WWOX: variants seen among roughly 807,000 people sequenced by gnomAD.
The protein encoded by WWOX is WW domain containing oxidoreductase.
Under a neutral mutation model 46.2 loss-of-function variants are expected in WWOX, and 69 were observed. That is an observed-to-expected ratio of 1.49 (90% CI 1.23 to 1.82). The LOEUF (loss-of-function observed/expected upper bound fraction) is 1.82. WWOX is among the 40% of genes most tolerant of loss of function. The pLI, the probability that WWOX is intolerant of heterozygous loss-of-function variation, is 0.00. For missense variants in WWOX, 919 were observed against 542.6 expected (o/e 1.69, Z -6.89); for synonymous variants, 359 against 202.6 (o/e 1.77, Z -6.56).
chr16:78,181,834 G>A (rs986722493), intron 5 of WWOX, among the ~76,000 whole-genome samples: 2 of 152,092 alleles, frequency 1.3e-5, no homozygotes, highest in Non-Finnish European at 2.9e-5. Flanking sequence ...TTTTTTTAGA[G>A]ATAGTATATA....
intron 5 of WWOX, among the ~76,000 whole-genome samples, chr16:78,320,782 G>A (rs2080450753): frequency 6.6e-6 from 1 of 152,156 alleles, no homozygotes; most frequent in South Asian, 2.1e-4. Flanking sequence ...CCTAACAGAA[G>A]AGAGAAGTAA....
chr16:78,651,928 G>A (rs1262112127), intron 8 of WWOX, among the ~76,000 whole-genome samples: 1 of 152,088 alleles, frequency 6.6e-6, no homozygotes, highest in Non-Finnish European at 1.5e-5. Context: ...TAAGTAAAAT[G>A]CAATGGCAGG....
At chr16:78,712,523 T>C (rs946816931) in intron 8 of WWOX, among the ~76,000 whole-genome samples, 25 of 151,862 alleles carry the variant, frequency 1.6e-4, no homozygotes, top group Admixed American at 3.3e-4. Flanking sequence ...AAGTCTTATA[T>C]TGATTAAAAG....
chr16:78,568,163 C>A (rs546398197), intron 8 of WWOX, among the ~76,000 whole-genome samples: 1 of 152,122 alleles, frequency 6.6e-6, no homozygotes, highest in Non-Finnish European at 1.5e-5. Context: ...AAATATGCCA[C>A]TTTCACCAAA....
intron 8 of WWOX, among the ~76,000 whole-genome samples, chr16:78,716,180 A>G (rs1276742556): frequency 6.6e-6 from 1 of 152,116 alleles, no homozygotes; most frequent in Non-Finnish European, 1.5e-5. Flanking sequence ...GATAGAGGGA[A>G]GATGATGTGA....
At chr16:78,316,020 C>T (rs753809144) in intron 5 of WWOX, among the ~76,000 whole-genome samples, 2 of 151,842 alleles carry the variant, frequency 1.3e-5, no homozygotes, top group Admixed American at 1.3e-4. Flanking sequence ...CTGAGGTGGG[C>T]GGATCACTTG....
chr16:78,731,494 T>A (rs1020679371), intron 8 of WWOX, among the ~76,000 whole-genome samples: 1 of 152,198 alleles, frequency 6.6e-6, no homozygotes, highest in African/African-American at 2.4e-5. Flanking sequence ...CCTCTGTTCT[T>A]TCTTGTTTCC....
chr16:78,503,448 T>TA lies in WWOX; in HGVS notation c.1056+70708dup, dbSNP rs11333636. On this transcript the variant is annotated intron_variant, in intron 8 of 8. Transcript: ENST00000566780. ...GGAATTTAAATATAATTCCTTATTG[T>TA]AAAAAAAAAAAATTTTTTTTTGATC... Among the ~76,000 whole-genome samples the TA allele has an allele frequency of 5.5e-3, 818 of 149,256 alleles. 6 individuals are homozygous for TA. The highest frequency in any genetic ancestry group is 8.0e-3 in the Non-Finnish European group (537 of 67,044).
intron 8 of WWOX, among the ~76,000 whole-genome samples, chr16:78,695,696 A>G (rs892432296): frequency 6.6e-5 from 10 of 152,246 alleles, no homozygotes; most frequent in African/African-American, 1.9e-4. Flanking sequence ...GAATGGATCA[A>G]AGGAATGAAG....
At chr16:79,104,588 G>C (rs1489105385) in intron 8 of WWOX, among the ~76,000 whole-genome samples, 1 of 152,094 alleles carries the variant, frequency 6.6e-6, no homozygotes, top group African/African-American at 2.4e-5. Flanking sequence ...AAATACGCAC[G>C]AATATTAAGT....
chr16:78,687,400 T>G lies in WWOX; in HGVS notation c.1056+254648T>G, dbSNP rs184007772. Reference sequence around the variant, plus strand: ...CCTTCATTTTCAGTGTGGCCTGAGATTGTTGAAGGATTTGTTCTATTGCAT... The same window carrying G: ...CCTTCATTTTCAGTGTGGCCTGAGAGTGTTGAAGGATTTGTTCTATTGCAT... On this transcript the variant is annotated intron_variant, in intron 8 of 8. Transcript: ENST00000566780. 1.4e-3 allele frequency among the ~76,000 whole-genome samples: 208 copies of G among 152,276 alleles called. 1 individual carries two copies. Among genetic ancestry groups the G allele is most frequent in the African/African-American group, 4.8e-3 (198 of 41,574 alleles).
intron 8 of WWOX, among the ~76,000 whole-genome samples, chr16:78,523,986 A>G (rs2043403722): frequency 6.6e-6 from 1 of 152,222 alleles, no homozygotes; most frequent in Non-Finnish European, 1.5e-5. Context: ...GCTACTATAC[A>G]AATACACAAT....
chr16:78,884,333 C>G (rs758102173), intron 8 of WWOX, among the ~76,000 whole-genome samples: 1 of 149,576 alleles, frequency 6.7e-6, no homozygotes, highest in Non-Finnish European at 1.5e-5. Flanking sequence ...TCAAAATGTG[C>G]TCATACATTT....
intron 8 of WWOX, among the ~76,000 whole-genome samples, chr16:78,616,737 G>T (rs550915081): frequency 1.3e-5 from 2 of 152,124 alleles, no homozygotes; most frequent in East Asian, 3.9e-4. Flanking sequence ...CTGCACTCCT[G>T]TCTGGGAGAC....
At chr16:78,848,378 T>G (rs1183495155) in intron 8 of WWOX, among the ~76,000 whole-genome samples, 1 of 152,208 alleles carries the variant, frequency 6.6e-6, no homozygotes, top group Non-Finnish European at 1.5e-5. Context: ...TGCTAACTGT[T>G]GGAACTTGGC....
intron 8 of WWOX, among the ~76,000 whole-genome samples, chr16:78,621,839 T>A (rs1203435314): frequency 6.6e-6 from 1 of 152,034 alleles, no homozygotes; most frequent in South Asian, 2.1e-4. Context: ...TCTCCTGACC[T>A]CATGATCTGC....
chr16:79,007,882 G>T (rs4888915), intron 8 of WWOX, among the ~76,000 whole-genome samples: 151,482 of 152,340 alleles, frequency 0.99, 75,317 homozygotes, highest in East Asian at 1. Context: ...ACAAAGCACT[G>T]TGCATGCAAA....
At chr16:78,159,311 G>C (rs1273573121) in intron 4 of WWOX, among the ~76,000 whole-genome samples, 1 of 152,090 alleles carries the variant, frequency 6.6e-6, no homozygotes, top group African/African-American at 2.4e-5. Flanking sequence ...AGTTCCTTTG[G>C]ATATGTATCC....
chr16:78,187,634 G>C (rs770068453), intron 5 of WWOX, among the ~76,000 whole-genome samples: 3 of 152,124 alleles, frequency 2.0e-5, no homozygotes, highest in African/African-American at 7.2e-5. Context: ...AAAAAAAGAC[G>C]CAAAGGAGCT....
Sources: gnomAD v4.1 joint callset for allele counts (sites outside exome capture counted in the v4.1 genomes callset) on GRCh38, gnomAD v4.1.1 for gene constraint, MANE v1.5 for transcripts, NCBI Gene and HGNC (gene_info 2026-07-23, HGNC 2026-07-21) for gene names.